ZBTB7A: variants seen among roughly 807,000 people sequenced by gnomAD.
ZBTB7A encodes zinc finger and BTB domain containing 7A, also known as zinc finger and BTB domain-containing protein 7A.
A neutral mutation model predicts 26.7 loss-of-function variants in ZBTB7A; 7 were observed. That is an observed-to-expected ratio of 0.26 (90% CI 0.15 to 0.49). The LOEUF (loss-of-function observed/expected upper bound fraction) is 0.49, where lower values mean the gene tolerates loss of function less well. ZBTB7A is among the 20% of genes least tolerant of loss of function. ZBTB7A has a pLI of 0.98. For missense variants in ZBTB7A, 617 were observed against 919.5 expected, an observed-to-expected ratio of 0.67 and a Z score of 4.25; for synonymous variants, 452 against 441.0, an observed-to-expected ratio of 1.02 and a Z score of -0.31.
chr19:4,055,937 T>A (rs1419618972), intron 1 of ZBTB7A, among the ~76,000 whole-genome samples: 1 of 152,174 alleles, frequency 6.6e-6, no homozygotes, highest in Non-Finnish European at 1.5e-5. Flanking sequence ...CTGTTTTCCA[T>A]CTGTGCATGA....
intron 1 of ZBTB7A, among the ~76,000 whole-genome samples, chr19:4,064,792 C>A (rs2040675092): frequency 6.6e-6 from 1 of 152,178 alleles, no homozygotes; most frequent in African/African-American, 2.4e-5. Context: ...GTGACTTCCG[C>A]CGCCTGACTG....
At position 4,048,132 on chromosome 19, in the gene ZBTB7A, C is replaced by T; in HGVS notation, c.1375G>A (p.Val459Met). Residue 459 changes from valine (V) to methionine (M), a missense_variant, in exon 3 of 3, where the codon GTG (valine) becomes ATG (methionine). This residue lies in a region of ZBTB7A where 41 missense variants were observed against 167.6 expected (regional missense o/e 0.24). Coordinates refer to ENST00000322357, the MANE Select transcript of ZBTB7A (RefSeq NM_015898.4). The surrounding 1 kb of genome is among the most constrained non-coding windows in gnomAD (Gnocchi z 6.7). ...HNYDLKNHMR[V>M]HTGLRPYQCD... ...TGGTAGGGGCGCAGGCCCGTGTGCA[C>T]GCGCATGTGGTTCTTCAGGTCGTAG... 6.2e-7 allele frequency: 1 copy of T among 1,610,908 alleles called. No homozygotes were observed. The highest frequency in any genetic ancestry group is 8.5e-7 in the Non-Finnish European group (1 of 1,179,242).
At position 4,046,251 on chromosome 19, in the gene ZBTB7A, G is replaced by C. The variant is rs1042945448; in HGVS notation, c.*1501C>G. ...TCTGGGGGTGAAGCACAAACACCTC[G>C]GGGCGTCTCCCAGGTCCCCTGCGAT... On this transcript the variant is annotated 3_prime_UTR_variant, in exon 3 of 3. Transcript: ENST00000322357. 5.1e-6 allele frequency: 2 copies of C among 394,856 alleles called. No individual in the cohort carries two copies. The highest frequency in any genetic ancestry group is 8.9e-6 in the Non-Finnish European group (2 of 224,120). The allele number at this position is 394,856 out of a possible 1,614,324, so 24.5% of individuals were successfully genotyped here.
intron 1 of ZBTB7A, among the ~76,000 whole-genome samples, chr19:4,064,782 GTGAC>G (rs1041344591): frequency 1.3e-5 from 2 of 152,178 alleles, no homozygotes; most frequent in Non-Finnish European, 2.9e-5. Flanking sequence ...CAGCACCTCT[GTGAC>G]TTCCGCCGCC....
chr19:4,057,014 G>A (rs562367098), intron 1 of ZBTB7A, among the ~76,000 whole-genome samples: 34 of 125,858 alleles, frequency 2.7e-4, no homozygotes, highest in Middle Eastern at 0.013. Flanking sequence ...GCAACACAGC[G>A]AGACTCGGTC....
At position 4,047,526 on chromosome 19, in the gene ZBTB7A, G is replaced by T; in HGVS notation, c.*226C>A. ...GGAAGGGGAGCCAGGGAGGGCCGGG[G>T]CCCCTGCGGAGGGAGAAAAACGTCA... is the stretch of plus-strand genomic sequence containing the variant. On this transcript the variant is annotated 3_prime_UTR_variant, in exon 3 of 3. Coordinates refer to ENST00000322357, the MANE Select transcript of ZBTB7A (RefSeq NM_015898.4). 2 of 306,748 alleles carry T rather than the reference G, an allele frequency of 6.5e-6. No homozygotes were observed. The highest frequency in any genetic ancestry group is 1.1e-5 in the Non-Finnish European group (2 of 183,420). The allele number at this position is 306,748 out of a possible 1,614,324, so 19.0% of individuals were successfully genotyped here.
At chr19:4,065,725 C>G (rs112208631) in intron 1 of ZBTB7A, 3 of 127,596 alleles carry the variant, frequency 2.4e-5, no homozygotes, top group African/African-American at 3.4e-5. Flanking sequence ...CCCCGGGGAG[C>G]GCGGGGAGGG....
At chr19:4,060,632 G>A (rs1053380368) in intron 1 of ZBTB7A, among the ~76,000 whole-genome samples, 3 of 152,190 alleles carry the variant, frequency 2.0e-5, no homozygotes, top group African/African-American at 7.2e-5. Context: ...GAAGGACCCC[G>A]GCATCCCAAG....
chr19:4,048,027 G>A lies in ZBTB7A; in HGVS notation c.1480C>T (p.Pro494Ser), dbSNP rs752997299. 6.6e-7 allele frequency: 1 copy of A among 1,512,870 alleles called. No individual in the cohort carries two copies. Among genetic ancestry groups the A allele is most frequent in the Non-Finnish European group, 8.9e-7 (1 of 1,128,184 alleles). 93.7% of individuals were successfully genotyped at this position (1,512,870 alleles called of 1,614,324 possible). A position where few individuals can be genotyped will look rare whatever the true frequency, so the allele number is the denominator to read the frequency against. The part of the protein sequence containing the change: ...HLKKDGCNGV[P>S]SRRGRKPRVR... ...CGGGGCTTGCGGCCGCGGCGCGAGG[G>A]GACGCCGTTGCAGCCGTCTTTCTTG... The change falls in exon 3 of 3, where the codon CCC becomes TCC. Residue 494 changes from proline (P) to serine (S), a missense_variant. Around this residue, in one of 5 missense-constraint regions of ZBTB7A, gnomAD observed 27 missense variants for 38.7 expected, o/e 0.70. Coordinates refer to ENST00000322357, the MANE Select transcript of ZBTB7A (RefSeq NM_015898.4). The surrounding 1 kb of genome is among the most constrained non-coding windows in gnomAD (Gnocchi z 6.7).
In ZBTB7A at chr19:4,047,126, G is replaced by C. The variant is rs1234222732; in HGVS notation, c.*626C>G. ...GGAGACGTGGGGTGGGCGACGGGGG[G>C]AGGCCGCAGGCAGGGTTGGAGGCGG... On this transcript the variant is annotated 3_prime_UTR_variant, in exon 3 of 3. Coordinates refer to ENST00000322357, the MANE Select transcript of ZBTB7A (RefSeq NM_015898.4). 6.6e-6 allele frequency: 1 copy of C among 152,082 alleles called. No homozygotes were observed. The highest frequency in any genetic ancestry group is 1.5e-5 in the Non-Finnish European group (1 of 68,050). The allele number at this position is 152,082 out of a possible 1,614,324, so 9.4% of individuals were successfully genotyped here.
intron 1 of ZBTB7A, among the ~76,000 whole-genome samples, chr19:4,056,546 C>A (rs1463776542): frequency 6.6e-6 from 1 of 152,068 alleles, no homozygotes; most frequent in African/African-American, 2.4e-5. Context: ...CCAGCCTGGC[C>A]AACATGGTGA....
At chr19:4,057,057 A>G (rs941068186) in intron 1 of ZBTB7A, among the ~76,000 whole-genome samples, 4 of 150,610 alleles carry the variant, frequency 2.7e-5, no homozygotes, top group Non-Finnish European at 4.4e-5. Context: ...AGAAAAAGAA[A>G]AAAAAAAAGG....
intron 1 of ZBTB7A, among the ~76,000 whole-genome samples, chr19:4,056,946 G>A (rs980748655): frequency 6.7e-6 from 1 of 149,608 alleles, no homozygotes; most frequent in Non-Finnish European, 1.5e-5. Flanking sequence ...AGAATCGCTT[G>A]AACCCGGGAG....
chr19:4,062,480 C>T (rs1456452811), intron 1 of ZBTB7A, among the ~76,000 whole-genome samples: 2 of 152,182 alleles, frequency 1.3e-5, no homozygotes, highest in Non-Finnish European at 2.9e-5. Context: ...CCCCATTTTG[C>T]AAACGGGGAA....
intron 1 of ZBTB7A, among the ~76,000 whole-genome samples, chr19:4,059,581 G>C (rs552762896): frequency 6.6e-6 from 1 of 152,152 alleles, no homozygotes; most frequent in Non-Finnish European, 1.5e-5. Context: ...CTGGCCTAAG[G>C]ATGCCCGGCA....
intron 2 of ZBTB7A, among the ~76,000 whole-genome samples, chr19:4,051,945 T>TA (rs1210373332): frequency 6.6e-6 from 1 of 152,052 alleles, no homozygotes; most frequent in Non-Finnish European, 1.5e-5. Flanking sequence ...AGGCCCCACT[T>TA]ACTCAACGCC....
At position 4,057,404 on chromosome 19, in the gene ZBTB7A, G is replaced by A. The variant is rs181412157; in HGVS notation, c.-15-2157C>T. Among the ~76,000 whole-genome samples, 25 of 152,294 alleles carry A rather than the reference G, an allele frequency of 1.6e-4. No homozygotes were observed. The East Asian group carries it at 4.4e-3, about 27-fold the overall frequency. On this transcript the variant is annotated intron_variant, in intron 1 of 2. Transcript: ENST00000322357. Reference sequence around the variant, plus strand: ...GCGCTACAGGAGGACGCAGTAGCTCGAGAGAAGTGCCCTGATCTGAGCCAT... The same window carrying A: ...GCGCTACAGGAGGACGCAGTAGCTCAAGAGAAGTGCCCTGATCTGAGCCAT...
In ZBTB7A at chr19:4,054,438, G is replaced by GGCCGGCGGGGCC; in HGVS notation, c.783_794dup (p.Pro263_Ala266dup). ...GGCCGTAGTGGCCGTTCTGCGTGGCGGCCGGCGGGGCCACCGGCGGCGGAA... is the reference window on the plus strand; with the variant it reads ...GGCCGTAGTGGCCGTTCTGCGTGGCGGCCGGCGGGGCCGCCGGCGGGGCCACCGGCGGCGGAA... On this transcript the variant is annotated inframe_insertion, in exon 2 of 3. Coordinates refer to ENST00000322357, the MANE Select transcript of ZBTB7A (RefSeq NM_015898.4). The GGCCGGCGGGGCC allele has an allele frequency of 7.4e-7, 1 of 1,357,468 alleles. No homozygotes were observed. Among genetic ancestry groups the GGCCGGCGGGGCC allele is most frequent in the South Asian group, 1.7e-5 (1 of 58,690 alleles). The allele number at this position is 1,357,468 out of a possible 1,614,324, so 84.1% of individuals were successfully genotyped here.
At chr19:4,060,614 T>C (rs1450954971) in intron 1 of ZBTB7A, among the ~76,000 whole-genome samples, 2 of 152,070 alleles carry the variant, frequency 1.3e-5, no homozygotes, top group East Asian at 3.9e-4. Context: ...GCAGCAGATG[T>C]CGCCTAGGAA....
Sources: gnomAD v4.1 joint callset for allele counts (sites outside exome capture counted in the v4.1 genomes callset) on GRCh38, gnomAD v4.1.1 for gene constraint, gnomAD v4.1.1 regional missense constraint, Gnocchi (gnomAD v3.1) non-coding constraint, MANE v1.5 for transcripts, NCBI Gene and HGNC (gene_info 2026-07-23, HGNC 2026-07-21) for gene names.